Variants in ZFYVE28 observed in about 807,000 individuals in gnomAD.
ZFYVE28 encodes lateral signaling target protein 2 homolog.
In ZFYVE28, 40 loss-of-function variants were observed where a neutral mutation model predicts 82.1. The ratio of observed to expected loss-of-function variants is 0.49; its 90% CI spans 0.38 to 0.63. The LOEUF (loss-of-function observed/expected upper bound fraction) is 0.63, where lower values mean the gene tolerates loss of function less well. Among genes scored for constraint, ZFYVE28 ranks in the 30% least tolerant of loss-of-function variants. The pLI, the probability that ZFYVE28 is intolerant of heterozygous loss-of-function variation, is 0.00. For synonymous variants in ZFYVE28, 612 were observed against 546.1 expected (o/e 1.12, Z -1.68); for missense variants, 1,321 against 1,242.1 (o/e 1.06, Z -0.96).
chr4:2,413,214 G>A (rs183522242), intron 1 of ZFYVE28, among the ~76,000 whole-genome samples: 11 of 152,358 alleles, frequency 7.2e-5, no homozygotes, highest in Admixed American at 3.9e-4. Flanking sequence ...GAAATGAGAC[G>A]TGAGCTGCCC....
chr4:2,363,974 T>C (rs149232559), intron 1 of ZFYVE28, among the ~76,000 whole-genome samples: 2,032 of 152,264 alleles, frequency 0.013, 20 homozygotes, highest in Middle Eastern at 0.034. Flanking sequence ...GGAAGACTTA[T>C]CCTGTGACCC....
intron 1 of ZFYVE28, among the ~76,000 whole-genome samples, chr4:2,403,971 GAAAAAAA>G (rs35312512): frequency 1.5e-5 from 2 of 129,044 alleles, no homozygotes; most frequent in Non-Finnish European, 3.2e-5. Context: ...CTCCATTTCG[GAAAAAAA>G]AAAAAAAAAA....
chr4:2,271,575 G>A, intron 11 of ZFYVE28, 100 bp downstream of exon 11: 6 of 1,450,998 alleles, frequency 4.1e-6, no homozygotes, highest in Non-Finnish European at 5.8e-6. Context: ...TGCCCGGACA[G>A]GGTGGCCTGC....
At chr4:2,333,864 C>G (rs1210258379) in intron 6 of ZFYVE28, among the ~76,000 whole-genome samples, 1 of 152,200 alleles carries the variant, frequency 6.6e-6, no homozygotes, top group Non-Finnish European at 1.5e-5. Flanking sequence ...CTGTCATTTT[C>G]TTCAAGTGAG....
chr4:2,281,768 G>A (rs1322202682), intron 8 of ZFYVE28, among the ~76,000 whole-genome samples: 1 of 152,218 alleles, frequency 6.6e-6, no homozygotes, highest in East Asian at 1.9e-4. Flanking sequence ...GCCTTTGGAA[G>A]GGTGTTTATC....
At chr4:2,288,224 C>T (rs1713058041) in intron 8 of ZFYVE28, among the ~76,000 whole-genome samples, 1 of 152,214 alleles carries the variant, frequency 6.6e-6, no homozygotes, top group Non-Finnish European at 1.5e-5. Flanking sequence ...CGAGGACCTG[C>T]ATCACCTCCC....
chr4:2,399,931 G>A lies in ZFYVE28; in HGVS notation c.39+18354C>T, dbSNP rs545812992. On this transcript the variant is annotated intron_variant, in intron 1 of 12. Coordinates refer to ENST00000290974, the MANE Select transcript of ZFYVE28 (RefSeq NM_020972.3). ...GGAACAGGGCAGGGCGCCCACCGTG[G>A]CCACTAAGAGGCACCACCACGTCCC... 3.3e-5 allele frequency among the ~76,000 whole-genome samples: 5 copies of A among 152,368 alleles called. No homozygotes were observed. The South Asian group carries it at 1.0e-3, about 32-fold the overall frequency.
chr4:2,378,242 G>A (rs1023625587), intron 1 of ZFYVE28, among the ~76,000 whole-genome samples: 5 of 152,220 alleles, frequency 3.3e-5, no homozygotes, highest in Non-Finnish European at 7.3e-5. Context: ...CGGGGAGGCT[G>A]AGGCGTAAGA....
chr4:2,282,949 C>T (rs1264816538), intron 8 of ZFYVE28, among the ~76,000 whole-genome samples: 2 of 152,136 alleles, frequency 1.3e-5, no homozygotes, highest in South Asian at 2.1e-4. Flanking sequence ...CAAAGAACAT[C>T]AAGAGTGACT....
chr4:2,295,173 G>GTT (rs11392932), intron 8 of ZFYVE28, among the ~76,000 whole-genome samples: 7 of 151,310 alleles, frequency 4.6e-5, no homozygotes, highest in Non-Finnish European at 7.4e-5. Context: ...TTTTGTTTTC[G>GTT]TTTTTTGAGA....
chr4:2,331,930 A>G (rs868095700), intron 6 of ZFYVE28, among the ~76,000 whole-genome samples: 1 of 152,344 alleles, frequency 6.6e-6, no homozygotes, highest in African/African-American at 2.4e-5. Context: ...CTTGTGTCAC[A>G]GGTGAATAGC....
At chr4:2,336,748 A>G in intron 5 of ZFYVE28, among the ~76,000 whole-genome samples, 1 of 129,818 alleles carries the variant, frequency 7.7e-6, no homozygotes, top group Admixed American at 9.0e-5. Flanking sequence ...TAAGGAGGTG[A>G]GGAATGATGA....
At chr4:2,377,591 C>T (rs572403105) in intron 1 of ZFYVE28, among the ~76,000 whole-genome samples, 2 of 152,176 alleles carry the variant, frequency 1.3e-5, no homozygotes, top group East Asian at 1.9e-4. Context: ...GTCTAAAATT[C>T]GGGGCTGCCA....
intron 11 of ZFYVE28, 130 bp from the exon 12 acceptor site, chr4:2,271,544 G>T (rs56945802): frequency 0.054 from 76,316 of 1,404,094 alleles, 3,034 homozygotes; most frequent in East Asian, 0.16. Flanking sequence ...CCTCCGGGGG[G>T]GCGGTCTCCC....
Position 2,341,213 on chromosome 4 carries a change from G to A in ZFYVE28, c.318+265C>T, listed in dbSNP as rs1722744247. 3 of 543,578 alleles carry A rather than the reference G, an allele frequency of 5.5e-6. No homozygotes were observed. Among genetic ancestry groups the A allele is most frequent in the Non-Finnish European group, 6.6e-6 (2 of 304,406 alleles). 33.7% of individuals were successfully genotyped at this position (543,578 alleles called of 1,614,324 possible). A position where few individuals can be genotyped will look rare whatever the true frequency, so the allele number is the denominator to read the frequency against. The stretch of plus-strand genomic sequence containing the variant: ...AACCACTTTTAGGTCCTGGCTGTCT[G>A]GGGGCCTGTGAACCTCATAAAAACC... On this transcript the variant is annotated intron_variant, in intron 3 of 12. Coordinates refer to ENST00000290974, the MANE Select transcript of ZFYVE28 (RefSeq NM_020972.3). The surrounding 1 kb of genome is among the most constrained non-coding windows in gnomAD (Gnocchi z 4.5).
chr4:2,386,412 G>A (rs890471339), intron 1 of ZFYVE28, among the ~76,000 whole-genome samples: 4 of 152,328 alleles, frequency 2.6e-5, no homozygotes, highest in South Asian at 2.1e-4. Context: ...GTCAACAAAG[G>A]AGGCGGAGGT....
chr4:2,344,023 G>C (rs1723173230), intron 2 of ZFYVE28, among the ~76,000 whole-genome samples: 1 of 152,168 alleles, frequency 6.6e-6, no homozygotes. Flanking sequence ...CATGACACTG[G>C]ACATCAGGCC....
At chr4:2,271,080 C>T in intron 12 of ZFYVE28, 1 of 744,382 alleles carries the variant, frequency 1.3e-6, no homozygotes, top group Non-Finnish European at 2.1e-6. Context: ...TCGCTGTCCC[C>T]TCTCTGTGGC....
At position 2,394,296 on chromosome 4, in the gene ZFYVE28, A is replaced by T. The variant is rs558478342; in HGVS notation, c.39+23989T>A. On this transcript the variant is annotated intron_variant, in intron 1 of 12. Transcript: ENST00000290974. The surrounding 1 kb of genome is among the most constrained non-coding windows in gnomAD (Gnocchi z 4.0). ...CCTCATAGATTCATGGGTTCCAGGG[A>T]TTCACACATGGACACCTTTGGGGGC... is the stretch of plus-strand genomic sequence containing the variant. 1.1e-4 allele frequency among the ~76,000 whole-genome samples: 17 copies of T among 152,092 alleles called. No homozygotes were observed. The highest frequency in any genetic ancestry group is 1.8e-4 in the Non-Finnish European group (12 of 68,016).
Sources: allele counts gnomAD v4.1 joint callset (sites outside exome capture counted in the v4.1 genomes callset), GRCh38; gene constraint gnomAD v4.1.1; non-coding constraint Gnocchi (gnomAD v3.1); transcripts MANE v1.5; gene names NCBI Gene and HGNC (gene_info 2026-07-23, HGNC 2026-07-21).